Variants in DMD observed in about 807,000 individuals in gnomAD.
The protein encoded by DMD is dystrophin, also known as mutant dystrophin.
In DMD, 63 loss-of-function variants were observed where a neutral mutation model predicts 330.1. The ratio of observed to expected loss-of-function variants is 0.19; its 90% CI spans 0.16 to 0.24. DMD has a LOEUF of 0.24. Among genes scored for constraint, DMD ranks in the 10% least tolerant of loss-of-function variants. The probability of loss-of-function intolerance (pLI) is 1.00; values close to 1 mark genes in which losing one functional copy is unlikely to be tolerated. For missense variants in DMD, 3,344 were observed against 2,684.1 expected, an observed-to-expected ratio of 1.25 and a Z score of -5.43; for synonymous variants, 1,223 against 959.8, an observed-to-expected ratio of 1.27 and a Z score of -5.07.
chrX:31,507,197 T>C, intron 56 of DMD, 84 bp downstream of exon 56: 1 of 911,558 alleles, frequency 1.1e-6, no homozygotes, highest in Non-Finnish European at 1.6e-6. Context: ...ACATGTGAGA[T>C]ACCAGTTACT....
intron 26 of DMD, among the ~76,000 whole-genome samples, chrX:32,450,222 T>C (rs753572542): frequency 9.1e-6 from 1 of 110,142 alleles, no homozygotes; most frequent in Non-Finnish European, 1.9e-5. Flanking sequence ...TAAGGGCTTA[T>C]TGGCAGGATA....
At chrX:32,568,091 A>G (rs1352641151) in intron 15 of DMD, among the ~76,000 whole-genome samples, 5 of 112,250 alleles carry the variant, frequency 4.5e-5, no homozygotes, top group African/African-American at 1.6e-4. Context: ...AAAGAAGAGG[A>G]TTGCAATAAA....
intron 1 of DMD, among the ~76,000 whole-genome samples, chrX:33,147,744 A>G (rs2048099841): frequency 9.0e-6 from 1 of 111,490 alleles, no homozygotes; most frequent in African/African-American, 3.3e-5. Flanking sequence ...TCCTTAAATG[A>G]GAATTGGTCT....
At chrX:31,834,832 A>G (rs765367981) in intron 49 of DMD, among the ~76,000 whole-genome samples, 13 of 110,960 alleles carry the variant, frequency 1.2e-4, no homozygotes, top group Non-Finnish European at 2.5e-4. Flanking sequence ...CAATGTGTCA[A>G]ATTGAGAGAA....
intron 7 of DMD, among the ~76,000 whole-genome samples, chrX:32,720,764 C>G (rs2066213535): frequency 9.0e-6 from 1 of 111,005 alleles, no homozygotes; most frequent in Admixed American, 9.6e-5. Context: ...ACATTTTACC[C>G]CATTATTATC....
At chrX:32,585,060 G>C (rs1027013271) in intron 13 of DMD, among the ~76,000 whole-genome samples, 1 of 111,249 alleles carries the variant, frequency 9.0e-6, no homozygotes, top group Admixed American at 9.6e-5. Flanking sequence ...AATGGAACTG[G>C]AGGTCATTAT....
intron 44 of DMD, among the ~76,000 whole-genome samples, chrX:31,988,048 C>A (rs2095521694): frequency 9.0e-6 from 1 of 111,568 alleles, no homozygotes; most frequent in African/African-American, 3.3e-5. Context: ...CATGGATGAA[C>A]CTGAGGATAC....
rs775377373 is a variant in DMD at position 32,442,112 on chromosome X, T to C, written c.3787-798A>G. 6.3e-5 allele frequency among the ~76,000 whole-genome samples: 7 copies of C among 111,069 alleles called. No homozygotes were observed. In the East Asian group the frequency reaches 2.0e-3, roughly 32 times the overall value. On this transcript the variant is annotated intron_variant, in intron 27 of 78. Transcript: ENST00000357033. ...ATATAGAAGAAAATATTTCTGACTT[T>C]GGCATAGAGAAGAATATCTTAAGTA...
intron 67 of DMD, among the ~76,000 whole-genome samples, chrX:31,199,943 G>A (rs2043272142): frequency 8.9e-6 from 1 of 111,905 alleles, no homozygotes; most frequent in Admixed American, 9.5e-5. Context: ...AGCAAACATT[G>A]TATTTTTATG....
chrX:32,927,541 G>A (rs751104736), intron 2 of DMD, among the ~76,000 whole-genome samples: 3 of 109,432 alleles, frequency 2.7e-5, no homozygotes, highest in Admixed American at 9.8e-5. Context: ...TCGGACGCCC[G>A]GCCGCAAGTC....
At chrX:32,185,123 C>T (rs2096941137) in intron 44 of DMD, among the ~76,000 whole-genome samples, 1 of 111,038 alleles carries the variant, frequency 9.0e-6, no homozygotes, top group African/African-American at 3.3e-5. Flanking sequence ...AGAGAAGTTG[C>T]AGTTCTGGGG....
At chrX:31,327,535 C>T (rs1232058580) in intron 61 of DMD, among the ~76,000 whole-genome samples, 1 of 112,338 alleles carries the variant, frequency 8.9e-6, no homozygotes, top group East Asian at 2.8e-4. Flanking sequence ...TATTTTAAGA[C>T]ATGCCAAAAG....
At chrX:32,668,147 C>T (rs927197752) in intron 9 of DMD, among the ~76,000 whole-genome samples, 15 of 107,988 alleles carry the variant, frequency 1.4e-4, no homozygotes, top group Admixed American at 4.9e-4. Context: ...GACTCCATCT[C>T]GGGAAAAAAA....
chrX:31,170,892 T>C (rs2039923982), intron 73 of DMD, among the ~76,000 whole-genome samples: 1 of 112,184 alleles, frequency 8.9e-6, no homozygotes, highest in Non-Finnish European at 1.9e-5. Flanking sequence ...AATTCTGAAG[T>C]TGTACTGCTA....
chrX:32,806,876 A>G lies in DMD; in HGVS notation c.649+2617T>C, dbSNP rs187775824. ...AATAACAGAATTCTGACAGAAATAA[A>G]GAAGTTCTTTGAAACCAATGAGAAC... On this transcript the variant is annotated intron_variant, in intron 7 of 78. Coordinates refer to ENST00000357033, the MANE Select transcript of DMD (RefSeq NM_004006.3). 1.6e-3 allele frequency among the ~76,000 whole-genome samples: 175 copies of G among 110,682 alleles called. 6 individuals carry two copies. Among genetic ancestry groups the G allele is most frequent in the Admixed American group, 0.013 (129 of 10,299 alleles).
intron 44 of DMD, among the ~76,000 whole-genome samples, chrX:32,160,101 T>A (rs934553850): frequency 2.7e-5 from 3 of 111,939 alleles, no homozygotes; most frequent in Non-Finnish European, 5.6e-5. Flanking sequence ...AGGATATATA[T>A]GCCAAGCATT....
At chrX:32,246,295 G>C (rs1233449782) in intron 43 of DMD, among the ~76,000 whole-genome samples, 11 of 101,109 alleles carry the variant, frequency 1.1e-4, no homozygotes, top group African/African-American at 4.0e-4. Context: ...AACCAGCCTT[G>C]CATCCCAAGG....
intron 45 of DMD, among the ~76,000 whole-genome samples, chrX:31,958,053 T>C (rs2095263653): frequency 9.1e-6 from 1 of 109,631 alleles, no homozygotes; most frequent in African/African-American, 3.3e-5. Flanking sequence ...AATTCAAGTT[T>C]CTTCAGCAAC....
intron 1 of DMD, among the ~76,000 whole-genome samples, chrX:33,194,341 G>A (rs2050810417): frequency 9.1e-6 from 1 of 110,078 alleles, no homozygotes; most frequent in South Asian, 3.9e-4. Context: ...CTTTCATCTA[G>A]GCACAATATA....
Sources: allele counts gnomAD v4.1 joint callset (sites outside exome capture counted in the v4.1 genomes callset), GRCh38; gene constraint gnomAD v4.1.1; transcripts MANE v1.5; gene names NCBI Gene and HGNC (gene_info 2026-07-23, HGNC 2026-07-21).